The following IGDCC3 variants were observed in gnomAD, a reference collection of about 807,000 sequenced individuals.
IGDCC3 encodes the protein immunoglobulin superfamily DCC subclass member 3, also known as putative neuronal cell adhesion molecule.
Under a neutral mutation model 72.0 loss-of-function variants are expected in IGDCC3, and 47 were observed. The ratio of observed to expected loss-of-function variants is 0.65; its 90% CI spans 0.52 to 0.83. IGDCC3 has a LOEUF of 0.83. Ranked by LOEUF, IGDCC3 falls within the 40% of genes least tolerant of loss-of-function variation. The probability of loss-of-function intolerance (pLI) is 0.00; values close to 1 mark genes in which losing one functional copy is unlikely to be tolerated. For missense variants in IGDCC3, 1,038 were observed against 1,091.3 expected (o/e 0.95, Z 0.69); for synonymous variants, 477 against 472.8 (o/e 1.01, Z -0.11).
chr15:65,338,390 G>A (rs546524280), intron 2 of IGDCC3, among the ~76,000 whole-genome samples: 1 of 152,320 alleles, frequency 6.6e-6, no homozygotes, highest in African/African-American at 2.4e-5. Context: ...GGGAAACTGA[G>A]GCCAGGCTCT....
rs545011160 is a variant in IGDCC3 at position 65,342,102 on chromosome 15, T to C, written c.410-6146A>G. Among the ~76,000 whole-genome samples, 16 of 150,618 alleles carry C rather than the reference T, an allele frequency of 1.1e-4. No individual in the cohort carries two copies. In the South Asian group the frequency reaches 3.3e-3, roughly 31 times the overall value. On this transcript the variant is annotated intron_variant, in intron 2 of 13. Transcript: ENST00000327987. ...CACATGTGGCCCTTTAAATTAGAAT[T>C]ACAGCCAGGCGCGGTGGCTCATGCC...
At chr15:65,355,656 T>TCC in intron 2 of IGDCC3, 2 of 211,730 alleles carry the variant, frequency 9.4e-6, no homozygotes, top group Admixed American at 6.3e-5. Flanking sequence ...GACGCGGGCG[T>TCC]CCCGCCCCCC....
rs1486143705 is a variant in IGDCC3 at position 65,331,192 on chromosome 15, C to A, written c.1419G>T (p.Gln473His). ...GAAAGGTGCTCTTGCTGACTGCCTC[C>A]TGATACTCCAGCTCCGGTGGGTCTG... ...KAADPPELEY[Q>H]EAVSKSTFQH... The change falls in exon 9 of 14, where the codon CAG (glutamine) becomes CAT (histidine). Residue 473 changes from glutamine (Q) to histidine (H), a missense_variant. By Grantham distance (24) the Gln-to-His change is conservative. Transcript: ENST00000327987. 1 of 1,613,912 alleles carries A rather than the reference C, an allele frequency of 6.2e-7. No individual in the cohort carries two copies. The highest frequency in any genetic ancestry group is 2.2e-5 in the East Asian group (1 of 44,872).
In IGDCC3 at chr15:65,335,757, CAG is replaced by C. The variant is rs1390760514; in HGVS notation, c.554+53_554+54del. The C allele has an allele frequency of 1.2e-5, 19 of 1,603,336 alleles. No homozygotes were observed. The East Asian group carries it at 1.3e-4, about 11-fold the overall frequency. On this transcript the variant is annotated intron_variant, in intron 3 of 13. Transcript: ENST00000327987. The stretch of plus-strand genomic sequence containing the variant: ...GCCGCGGGCCATCCTTCTCTACGGC[CAG>C]AGTCACTGGCCACCTCTTTGTCCTC...
chr15:65,368,569 C>T (rs1005025778), intron 2 of IGDCC3, among the ~76,000 whole-genome samples: 2 of 152,068 alleles, frequency 1.3e-5, no homozygotes, highest in South Asian at 2.1e-4. Flanking sequence ...GGGCCCTCCC[C>T]CTACAGTTGG....
chr15:65,357,815 G>T (rs1046672593), intron 2 of IGDCC3, among the ~76,000 whole-genome samples: 10 of 152,098 alleles, frequency 6.6e-5, no homozygotes, highest in African/African-American at 2.4e-4. Flanking sequence ...TAAGACTCTA[G>T]GCCCTTAAGC....
At chr15:65,332,856 G>T (rs1027519190) in intron 6 of IGDCC3, among the ~76,000 whole-genome samples, 1 of 152,242 alleles carries the variant, frequency 6.6e-6, no homozygotes, top group African/African-American at 2.4e-5. Context: ...GAGTGAAAAT[G>T]ACAAGCAGGC....
intron 4 of IGDCC3, 24 bp from the exon 5 acceptor site, chr15:65,334,889 C>T: frequency 6.2e-7 from 1 of 1,601,664 alleles, no homozygotes; most frequent in Non-Finnish European, 8.5e-7. Flanking sequence ...GCCACATATC[C>T]TCACTTCAGC....
chr15:65,329,979 G>A lies in IGDCC3; in HGVS notation c.1859-115C>T. The A allele has an allele frequency of 8.6e-7, 1 of 1,163,362 alleles. No homozygotes were observed. Among genetic ancestry groups the A allele is most frequent in the Non-Finnish European group, 1.2e-6 (1 of 804,144 alleles). 72.1% of individuals were successfully genotyped at this position (1,163,362 alleles called of 1,614,324 possible). ...TGCTCCCACTCCCAAGTGGGAGTGGGAACATCCTTTGACTTTGCCTACAGG... is the reference window on the plus strand; with the variant it reads ...TGCTCCCACTCCCAAGTGGGAGTGGAAACATCCTTTGACTTTGCCTACAGG... On this transcript the variant is annotated intron_variant, in intron 11 of 13. Transcript: ENST00000327987. This position sits in a 1 kb window ranked among gnomAD's most constrained non-coding sequence, Gnocchi z 4.1.
At position 65,365,337 on chromosome 15, in the gene IGDCC3, G is replaced by A. The variant is rs368826013; in HGVS notation, c.409+9760C>T. On this transcript the variant is annotated intron_variant, in intron 2 of 13. Transcript: ENST00000327987. ...CATCTTCCCACCCCAGGACCCTGTG[G>A]CCTCTTGATAGTACCCCCACCCTCA... is the stretch of plus-strand genomic sequence containing the variant. Among the ~76,000 whole-genome samples the A allele has an allele frequency of 4.3e-4, 66 of 152,226 alleles. 1 individual carries two copies. The highest frequency in any genetic ancestry group is 1.4e-3 in the African/African-American group (59 of 41,542).
chr15:65,344,354 T>C (rs1335547741), intron 2 of IGDCC3, among the ~76,000 whole-genome samples: 1 of 152,216 alleles, frequency 6.6e-6, no homozygotes, highest in East Asian at 1.9e-4. Flanking sequence ...CCGCCTGCCT[T>C]GGGCCCCTGA....
intron 2 of IGDCC3, among the ~76,000 whole-genome samples, chr15:65,347,759 T>C (rs1440217966): frequency 1.3e-5 from 2 of 152,024 alleles, no homozygotes; most frequent in African/African-American, 4.8e-5. Flanking sequence ...GGCGAAACCC[T>C]GTCCTTACTA....
At position 65,331,668 on chromosome 15, in the gene IGDCC3, G is replaced by A. The variant is rs745639041; in HGVS notation, c.1149-9C>T. 1 of 1,582,292 alleles carries A rather than the reference G, an allele frequency of 6.3e-7. No individual in the cohort carries two copies. The highest frequency in any genetic ancestry group is 1.7e-5 in the Admixed American group (1 of 57,820). ...CAGAAATGGTCAGTGTGCTGCAGGG[G>A]AGAGAGACAGCCTCAGGTTCCCTCC... On this transcript the variant is annotated splice_polypyrimidine_tract_variant and intron_variant, in intron 7 of 13. Transcript: ENST00000327987.
At chr15:65,354,437 C>G (rs2091198222) in intron 2 of IGDCC3, among the ~76,000 whole-genome samples, 1 of 152,156 alleles carries the variant, frequency 6.6e-6, no homozygotes, top group Non-Finnish European at 1.5e-5. Context: ...TTTCTACCAC[C>G]GCCTCCGTCT....
chr15:65,332,209 G>A (rs1219289145), intron 6 of IGDCC3, 103 bp from the exon 7 acceptor site: 37 of 1,355,882 alleles, frequency 2.7e-5, no homozygotes, highest in Admixed American at 2.7e-4. Flanking sequence ...CAGGGTGAGA[G>A]GTGGGCTCCA....
chr15:65,377,311 G>A lies in IGDCC3; in HGVS notation c.103+375C>T, dbSNP rs186470441. 2.6e-5 allele frequency among the ~76,000 whole-genome samples: 4 copies of A among 152,288 alleles called. No homozygotes were observed. The highest frequency in any genetic ancestry group is 6.5e-5 in the Admixed American group (1 of 15,298). On this transcript the variant is annotated intron_variant, in intron 1 of 13. Coordinates refer to ENST00000327987, the MANE Select transcript of IGDCC3 (RefSeq NM_004884.4). This position sits in a 1 kb window ranked among gnomAD's most constrained non-coding sequence, Gnocchi z 4.9. ...CTGCCTCGGGCTATGTCCACGGCCG[G>A]GCACCCAGCACCCCAGCTCGTCCGC... is the stretch of plus-strand genomic sequence containing the variant.
intron 2 of IGDCC3, among the ~76,000 whole-genome samples, chr15:65,342,732 G>A (rs995801770): frequency 1.1e-4 from 17 of 152,188 alleles, no homozygotes; most frequent in African/African-American, 4.1e-4. Flanking sequence ...GACTGATGAC[G>A]AGGCCCACAT....
Position 65,327,591 on chromosome 15 carries a change from GTTTTC to G in IGDCC3, c.*1313_*1317del, listed in dbSNP as rs905569824. On this transcript the variant is annotated 3_prime_UTR_variant, in exon 14 of 14. Coordinates refer to ENST00000327987, the MANE Select transcript of IGDCC3 (RefSeq NM_004884.4). Reference sequence around the variant, plus strand: ...CCAAAAATAGGTATTTGTTTCCTTGGTTTTCTTTTCTTCTTCTTTAACTAAGTAGT... The same window carrying G: ...CCAAAAATAGGTATTTGTTTCCTTGGTTTTCTTCTTCTTTAACTAAGTAGT... The G allele has an allele frequency of 1.9e-4, 29 of 152,518 alleles. No individual in the cohort carries two copies. The highest frequency in any genetic ancestry group is 7.0e-4 in the African/African-American group (29 of 41,536). 9.4% of individuals were successfully genotyped at this position (152,518 alleles called of 1,614,324 possible).
Position 65,331,158 on chromosome 15 carries a change from C to G in IGDCC3, c.1453G>C (p.Val485Leu), listed in dbSNP as rs552951892. 1 of 1,614,046 alleles carries G rather than the reference C, an allele frequency of 6.2e-7. No individual in the cohort carries two copies. The highest frequency in any genetic ancestry group is 2.2e-5 in the East Asian group (1 of 44,878). The change falls in exon 9 of 14, where the codon GTC becomes CTC. Residue 485 changes from valine (V) to leucine (L), a missense_variant. By Grantham distance (32) the Val-to-Leu change is conservative. Coordinates refer to ENST00000327987, the MANE Select transcript of IGDCC3 (RefSeq NM_004884.4). ...AVSKSTFQHL[V>L]SDLEPSTAYS... is the part of the protein sequence containing the mutation. ...GCTGTGGAGGGCTCCAGGTCGCTGACCAGGTGCTGAAAGGTGCTCTTGCTG... is the reference window on the plus strand; with the variant it reads ...GCTGTGGAGGGCTCCAGGTCGCTGAGCAGGTGCTGAAAGGTGCTCTTGCTG...
Sources: allele counts gnomAD v4.1 joint callset (sites outside exome capture counted in the v4.1 genomes callset), GRCh38; gene constraint gnomAD v4.1.1; non-coding constraint Gnocchi (gnomAD v3.1); transcripts MANE v1.5; gene names NCBI Gene and HGNC (gene_info 2026-07-23, HGNC 2026-07-21).